COL24A1: variants seen among roughly 807,000 people sequenced by gnomAD.
The protein encoded by COL24A1 is collagen type XXIV alpha 1 chain, also known as collagen alpha-1(XXIV) chain.
A neutral mutation model predicts 253.9 loss-of-function variants in COL24A1; 224 were observed. The observed-to-expected ratio is 0.88, with a 90% CI of 0.79 to 0.99. COL24A1 has a LOEUF of 0.99. Ranked by LOEUF, COL24A1 falls within the 50% of genes least tolerant of loss-of-function variation. The pLI is 0.00. For missense variants in COL24A1, 2,131 were observed against 2,068.5 expected, an observed-to-expected ratio of 1.03 and a Z score of -0.59; for synonymous variants, 685 against 673.7, an observed-to-expected ratio of 1.02 and a Z score of -0.26.
intron 46 of COL24A1, 33 bp from the exon 47 acceptor site, chr1:85,816,928 A>G (rs752360218): frequency 1.3e-5 from 19 of 1,449,508 alleles, no homozygotes; most frequent in Non-Finnish European, 1.8e-5. Context: ...GATTGTAGAG[A>G]TGCTGAAAAG....
chr1:85,894,985 A>G (rs1444824383), intron 31 of COL24A1, among the ~76,000 whole-genome samples: 1 of 152,106 alleles, frequency 6.6e-6, no homozygotes, highest in African/African-American at 2.4e-5. Flanking sequence ...ATCTATTTAT[A>G]TTATCTATTT....
intron 51 of COL24A1, among the ~76,000 whole-genome samples, chr1:85,782,875 C>T (rs1239271471): frequency 3.3e-5 from 5 of 151,976 alleles, no homozygotes; most frequent in African/African-American, 4.8e-5. Context: ...AATTAGAAAG[C>T]TTTGATTAAT....
At chr1:85,802,710 TC>T in intron 47 of COL24A1, among the ~76,000 whole-genome samples, 1 of 152,312 alleles carries the variant, frequency 6.6e-6, no homozygotes, top group East Asian at 1.9e-4. Context: ...TTTTTCCTAT[TC>T]CTTTGTAAAC....
chr1:85,977,485 A>G (rs558949395), intron 20 of COL24A1, among the ~76,000 whole-genome samples: 1 of 152,338 alleles, frequency 6.6e-6, no homozygotes, highest in Non-Finnish European at 1.5e-5. Context: ...AATACAGGCT[A>G]TAGATGAAAA....
At chr1:86,135,178 C>CT (rs1175435681) in intron 2 of COL24A1, among the ~76,000 whole-genome samples, 1 of 151,718 alleles carries the variant, frequency 6.6e-6, no homozygotes, top group Non-Finnish European at 1.5e-5. Context: ...CAACCTCTGC[C>CT]TTTTTTTGTT....
chr1:86,032,766 C>T (rs1288092672), intron 13 of COL24A1, among the ~76,000 whole-genome samples: 1 of 151,970 alleles, frequency 6.6e-6, no homozygotes, highest in Non-Finnish European at 1.5e-5. Flanking sequence ...ATTTTAAAAA[C>T]TCAAAATGCT....
chr1:86,011,976 T>C (rs1696529668), intron 19 of COL24A1, among the ~76,000 whole-genome samples: 1 of 152,128 alleles, frequency 6.6e-6, no homozygotes, highest in Admixed American at 6.5e-5. Flanking sequence ...GCCCTGGCAA[T>C]CTGTGTGTGT....
intron 12 of COL24A1, among the ~76,000 whole-genome samples, chr1:86,034,696 C>G (rs976733734): frequency 6.6e-6 from 1 of 152,026 alleles, no homozygotes; most frequent in African/African-American, 2.4e-5. Flanking sequence ...TCCCAAATGC[C>G]TATTGAGAAT....
At chr1:86,098,377 A>C (rs1571911673) in intron 5 of COL24A1, among the ~76,000 whole-genome samples, 1 of 147,988 alleles carries the variant, frequency 6.8e-6, no homozygotes, top group East Asian at 2.0e-4. Context: ...GAGAGGAAGA[A>C]AAGAAAGGAG....
At chr1:86,116,203 G>A (rs1365447577) in intron 3 of COL24A1, among the ~76,000 whole-genome samples, 3 of 152,032 alleles carry the variant, frequency 2.0e-5, no homozygotes, top group Non-Finnish European at 4.4e-5. Context: ...ATATGGCATT[G>A]TTCTTGGTGT....
At chr1:85,954,231 C>G (rs1375418072) in intron 24 of COL24A1, among the ~76,000 whole-genome samples, 1 of 152,098 alleles carries the variant, frequency 6.6e-6, no homozygotes, top group Non-Finnish European at 1.5e-5. Context: ...TGATAAATAT[C>G]AAATACATGA....
chr1:86,120,975 A>T (rs937562691), intron 3 of COL24A1, among the ~76,000 whole-genome samples: 2 of 152,204 alleles, frequency 1.3e-5, no homozygotes, highest in Non-Finnish European at 2.9e-5. Context: ...AAAAAGGATG[A>T]GTTCATGTCC....
chr1:86,057,865 G>T, intron 10 of COL24A1, 66 bp downstream of exon 10: 1 of 1,416,816 alleles, frequency 7.1e-7, no homozygotes, highest in Non-Finnish European at 9.9e-7. Context: ...AATGCTAAGT[G>T]TTTTATATAT....
Position 85,868,767 on chromosome 1 carries a change from A to G in COL24A1, c.3192+15T>C. 2 of 1,512,182 alleles carry G rather than the reference A, an allele frequency of 1.3e-6. No homozygotes were observed. The highest frequency in any genetic ancestry group is 1.8e-6 in the Non-Finnish European group (2 of 1,113,112). 93.7% of individuals were successfully genotyped at this position (1,512,182 alleles called of 1,614,324 possible). A position where few individuals can be genotyped will look rare whatever the true frequency, so the allele number is the denominator to read the frequency against. On this transcript the variant is annotated intron_variant, in intron 36 of 59. Transcript: ENST00000370571. The stretch of plus-strand genomic sequence containing the variant: ...AAACATCTATTTTATATATAATCTT[A>G]AAAGTATAATTTACCTTTAACCCAT...
chr1:85,793,973 A>T (rs1670563967), intron 47 of COL24A1, among the ~76,000 whole-genome samples: 1 of 152,142 alleles, frequency 6.6e-6, no homozygotes, highest in Admixed American at 6.5e-5. Context: ...GCAGATTTTA[A>T]AAAGTCATAT....
intron 12 of COL24A1, among the ~76,000 whole-genome samples, 185 bp from the exon 13 acceptor site, chr1:86,034,108 G>T (rs764294753): frequency 3.5e-4 from 53 of 151,818 alleles, no homozygotes; most frequent in Non-Finnish European, 5.0e-4. Context: ...AATAAAAAAC[G>T]AAATACAGTA....
intron 2 of COL24A1, among the ~76,000 whole-genome samples, chr1:86,140,490 A>G (rs1273183793): frequency 6.6e-6 from 1 of 152,264 alleles, no homozygotes; most frequent in African/African-American, 2.4e-5. Flanking sequence ...GTGTTTGTGA[A>G]GAAAGGACTT....
intron 37 of COL24A1, among the ~76,000 whole-genome samples, chr1:85,850,311 G>C: frequency 6.6e-6 from 1 of 152,128 alleles, no homozygotes; most frequent in Non-Finnish European, 1.5e-5. Flanking sequence ...TGTCCCAAAA[G>C]CTTGGCAAAT....
chr1:85,772,248 T>G (rs1413254244), intron 53 of COL24A1, among the ~76,000 whole-genome samples: 1 of 151,420 alleles, frequency 6.6e-6, no homozygotes, highest in Non-Finnish European at 1.5e-5. Context: ...AAATCAAAAC[T>G]ACAATGAGAT....
Sources: gnomAD v4.1 joint callset for allele counts (sites outside exome capture counted in the v4.1 genomes callset) on GRCh38, gnomAD v4.1.1 for gene constraint, MANE v1.5 for transcripts, NCBI Gene and HGNC (gene_info 2026-07-23, HGNC 2026-07-21) for gene names.